TSNARE1: variants seen among roughly 807,000 people sequenced by gnomAD.
TSNARE1 encodes t-SNARE domain-containing protein 1.
TSNARE1 carries 49 observed loss-of-function variants against 62.0 expected under a neutral mutation model. The ratio of observed to expected loss-of-function variants is 0.79; its 90% confidence interval spans 0.63 to 1.00. TSNARE1 has a LOEUF of 1.00. Ranked by LOEUF, TSNARE1 falls within the 50% of genes least tolerant of loss-of-function variation. The probability of loss-of-function intolerance (pLI) is 0.00; values close to 1 mark genes in which losing one functional copy is unlikely to be tolerated. For missense variants in TSNARE1, 755 were observed against 700.1 expected, an observed-to-expected ratio of 1.08 and a Z score of -0.88; for synonymous variants, 328 against 294.4, an observed-to-expected ratio of 1.11 and a Z score of -1.17.
intron 9 of TSNARE1, among the ~76,000 whole-genome samples, chr8:142,304,811 G>T (rs973882135): frequency 6.6e-6 from 1 of 152,212 alleles, no homozygotes; most frequent in Non-Finnish European, 1.5e-5. Context: ...TGTGAGCTAC[G>T]GGGTAGAGAC....
At chr8:142,222,990 ACTCT>A (rs1337940029) in intron 13 of TSNARE1, among the ~76,000 whole-genome samples, 11 of 148,148 alleles carry the variant, frequency 7.4e-5, no homozygotes, top group African/African-American at 1.2e-4. Context: ...TCATTCACTC[ACTCT>A]CTCATTCACT....
chr8:142,317,175 T>C lies in TSNARE1; in HGVS notation c.984+1369A>G, dbSNP rs113794635. Among the ~76,000 whole-genome samples the C allele has an allele frequency of 7.7e-3, 1,086 of 140,740 alleles. 18 individuals are homozygous for C. The highest frequency in any genetic ancestry group is 0.027 in the African/African-American group (1,029 of 37,616). 92.3% of individuals were successfully genotyped at this position (140,740 alleles called of 152,430 possible). On this transcript the variant is annotated intron_variant, in intron 7 of 13. Coordinates refer to ENST00000524325, the MANE Select transcript of TSNARE1 (RefSeq NM_145003.5). ...CGGGTATGGCCAGCGGCTCACACTG[T>C]ACGCATGAAGCGGGTATGGCCAGCG... is the stretch of plus-strand genomic sequence containing the variant.
At chr8:142,361,092 C>T (rs1434344072) in intron 1 of TSNARE1, among the ~76,000 whole-genome samples, 3 of 152,242 alleles carry the variant, frequency 2.0e-5, no homozygotes, top group East Asian at 1.9e-4. Flanking sequence ...CCACACAGGT[C>T]GCACCAGCTC....
intron 13 of TSNARE1, among the ~76,000 whole-genome samples, chr8:142,221,579 G>C (rs999464673): frequency 6.6e-6 from 1 of 152,174 alleles, no homozygotes; most frequent in African/African-American, 2.4e-5. Context: ...CAGGAGCCAG[G>C]AGCCCTCAGA....
At position 142,331,961 on chromosome 8, in the gene TSNARE1, T is replaced by A; in HGVS notation, c.746-130A>T. 2.3e-6 allele frequency: 2 copies of A among 872,026 alleles called. 1 individual carries two copies. Among genetic ancestry groups the A allele is most frequent in the Non-Finnish European group, 3.7e-6 (2 of 546,646 alleles). The allele number at this position is 872,026 out of a possible 1,614,324, so 54.0% of individuals were successfully genotyped here. ...GGCAGCAGAGTGGCCCTGAACCCCC[T>A]CACTGCCTTTGCGGCTTGGCCACCC... On this transcript the variant is annotated intron_variant, in intron 4 of 13. Transcript: ENST00000524325.
chr8:142,213,725 G>A lies in TSNARE1; in HGVS notation c.*12-1412C>T, dbSNP rs894971304. Among the ~76,000 whole-genome samples, 6 of 152,192 alleles carry A rather than the reference G, an allele frequency of 3.9e-5. 1 individual carries two copies. The East Asian group carries it at 1.2e-3, about 29-fold the overall frequency. Reference sequence around the variant, plus strand: ...ATCCAATTACCACAGGAAGCAGGGAGGCGAGGGGAGGGTGAGGCTGTGGGC... The same window carrying A: ...ATCCAATTACCACAGGAAGCAGGGAAGCGAGGGGAGGGTGAGGCTGTGGGC... On this transcript the variant is annotated intron_variant, in intron 13 of 13. Coordinates refer to ENST00000524325, the MANE Select transcript of TSNARE1 (RefSeq NM_145003.5).
At position 142,233,444 on chromosome 8, in the gene TSNARE1, T is replaced by G. The variant is rs185192474; in HGVS notation, c.1447-3865A>C. ...AACTGCCTGGGGCACGGTTCTACCCTGCCTCAGTGTCAGAGGGAAAGGAGG... is the reference window on the plus strand; with the variant it reads ...AACTGCCTGGGGCACGGTTCTACCCGGCCTCAGTGTCAGAGGGAAAGGAGG... On this transcript the variant is annotated intron_variant, in intron 12 of 13. Coordinates refer to ENST00000524325, the MANE Select transcript of TSNARE1 (RefSeq NM_145003.5). Among the ~76,000 whole-genome samples the G allele has an allele frequency of 3.3e-5, 5 of 152,292 alleles. No individual in the cohort carries two copies. The East Asian group carries it at 9.7e-4, about 30-fold the overall frequency.
In TSNARE1 at chr8:142,402,295, T is replaced by C. The variant is rs779859667; in HGVS notation, c.-40+809A>G. ...ACTTCCTGTGATAAGCAGTGTTCCC[T>C]ACCCGCGCTGCCCCACACAGCCGCC... On this transcript the variant is annotated intron_variant, in intron 1 of 13. Coordinates refer to ENST00000524325, the MANE Select transcript of TSNARE1 (RefSeq NM_145003.5). Among the ~76,000 whole-genome samples, 80 of 152,152 alleles carry C rather than the reference T, an allele frequency of 5.3e-4. 1 individual carries two copies. Among genetic ancestry groups the C allele is most frequent in the Non-Finnish European group, 8.7e-4 (59 of 68,024 alleles).
chr8:142,270,969 G>A lies in TSNARE1; in HGVS notation c.1446+3812C>T, dbSNP rs374524873. On this transcript the variant is annotated intron_variant, in intron 12 of 13. Transcript: ENST00000524325. ...CATCCTTCCGGTCTCCTGGACTGGAGTTGTCCCGGTGCCCTGGAGACCCAG... is the reference window on the plus strand; with the variant it reads ...CATCCTTCCGGTCTCCTGGACTGGAATTGTCCCGGTGCCCTGGAGACCCAG... 5.1e-5 allele frequency: 50 copies of A among 985,566 alleles called. No individual in the cohort carries two copies. In the African/African-American group the frequency reaches 8.2e-4, roughly 16 times the overall value. 61.1% of individuals were successfully genotyped at this position (985,566 alleles called of 1,614,324 possible).
intron 12 of TSNARE1, among the ~76,000 whole-genome samples, chr8:142,234,811 C>T (rs2130123079): frequency 6.6e-6 from 1 of 152,160 alleles, no homozygotes; most frequent in East Asian, 1.9e-4. Context: ...GAGAGGGCTA[C>T]ACATCTGGGG....
Position 142,324,632 on chromosome 8 carries a change from CTG to C in TSNARE1, c.894-6000_894-5999del, listed in dbSNP as rs369282106. Among the ~76,000 whole-genome samples the C allele has an allele frequency of 1.1e-3, 163 of 152,354 alleles. 1 individual carries two copies. The highest frequency in any genetic ancestry group is 3.8e-3 in the African/African-American group (157 of 41,582). On this transcript the variant is annotated intron_variant, in intron 6 of 13. Coordinates refer to ENST00000524325, the MANE Select transcript of TSNARE1 (RefSeq NM_145003.5). ...CCTGCTCATTTACTCCCATGACCAC[CTG>C]TGTTTTACAGACGAAGACACAAGGC...
At chr8:142,400,798 C>T (rs1186915737) in intron 1 of TSNARE1, among the ~76,000 whole-genome samples, 1 of 152,186 alleles carries the variant, frequency 6.6e-6, no homozygotes, top group Admixed American at 6.5e-5. Context: ...TCCTAGAACC[C>T]GACAGTTGAG....
intron 9 of TSNARE1, among the ~76,000 whole-genome samples, chr8:142,307,175 C>CA (rs1826834634): frequency 6.6e-6 from 1 of 152,222 alleles, no homozygotes; most frequent in Non-Finnish European, 1.5e-5. Context: ...GTAGAGTCCC[C>CA]AGTGGCATGA....
intron 1 of TSNARE1, among the ~76,000 whole-genome samples, chr8:142,385,620 G>A (rs1837061984): frequency 6.6e-6 from 1 of 152,088 alleles, no homozygotes; most frequent in Admixed American, 6.5e-5. Flanking sequence ...TGGAGTCAAA[G>A]GATATCATTT....
At chr8:142,222,326 AC>A (rs1356706526) in intron 13 of TSNARE1, among the ~76,000 whole-genome samples, 2,059 of 44,978 alleles carry the variant, frequency 0.046, 869 homozygotes, top group Non-Finnish European at 0.076. Context: ...CCACTAATTC[AC>A]TCACTCGCTC....
chr8:142,259,073 C>A (rs1256234012), intron 12 of TSNARE1, among the ~76,000 whole-genome samples: 1 of 152,218 alleles, frequency 6.6e-6, no homozygotes, highest in Non-Finnish European at 1.5e-5. Context: ...CGTGGCACAG[C>A]CCACCTTGAA....
chr8:142,345,510 G>T (rs545869407), intron 3 of TSNARE1, among the ~76,000 whole-genome samples: 1 of 152,300 alleles, frequency 6.6e-6, no homozygotes, highest in South Asian at 2.1e-4. Flanking sequence ...GAGCCTACAG[G>T]GTTGGCCAGC....
At chr8:142,254,821 G>A (rs543337797) in intron 12 of TSNARE1, among the ~76,000 whole-genome samples, 10 of 152,290 alleles carry the variant, frequency 6.6e-5, no homozygotes, top group African/African-American at 1.9e-4. Context: ...GGCTGAGGAC[G>A]GCCAAGGGGA....
chr8:142,365,606 A>ACACACACACACACG (rs1835484901), intron 1 of TSNARE1, among the ~76,000 whole-genome samples: 1 of 145,484 alleles, frequency 6.9e-6, no homozygotes, highest in South Asian at 2.2e-4. Flanking sequence ...GCACACGCAC[A>ACACACACACACACG]CACACACACA....
Sources: allele counts gnomAD v4.1 joint callset (sites outside exome capture counted in the v4.1 genomes callset), GRCh38; gene constraint gnomAD v4.1.1; transcripts MANE v1.5; gene names NCBI Gene and HGNC (gene_info 2026-07-23, HGNC 2026-07-21).